The following SAMMSON variants were observed in gnomAD, a reference collection of about 807,000 sequenced individuals.
SAMMSON encodes the protein survival associated mitochondrial melanoma specific oncogenic non-coding RNA, also known as long intergenic non-protein coding RNA 1212.
intron 4 of SAMMSON, among the ~76,000 whole-genome samples, chr3:70,173,916 A>C (rs1453513705): frequency 6.6e-6 from 1 of 151,920 alleles, no homozygotes; most frequent in Non-Finnish European, 1.5e-5. Context: ...ACATGTTACC[A>C]AGTTCCACAT....
chr3:70,295,232 G>T (rs1702277992), intron 7 of SAMMSON, among the ~76,000 whole-genome samples: 1 of 152,092 alleles, frequency 6.6e-6, no homozygotes, highest in South Asian at 2.1e-4. Flanking sequence ...AAGAATGGAG[G>T]ATGGGGAAGC....
chr3:70,235,825 T>C (rs1326916845), intron 4 of SAMMSON, among the ~76,000 whole-genome samples: 1 of 152,216 alleles, frequency 6.6e-6, no homozygotes. Flanking sequence ...ATTATAGCAT[T>C]GTTTCAAAGG....
At chr3:70,338,729 C>T (rs1278505775) in intron 7 of SAMMSON, among the ~76,000 whole-genome samples, 10 of 152,056 alleles carry the variant, frequency 6.6e-5, no homozygotes, top group Admixed American at 5.9e-4. Context: ...GAACTACAAA[C>T]CACTGCTCAA....
intron 3 of SAMMSON, among the ~76,000 whole-genome samples, chr3:70,018,274 C>G (rs2066995834): frequency 6.6e-6 from 1 of 152,132 alleles, no homozygotes; most frequent in Non-Finnish European, 1.5e-5. Context: ...TGTTATTGGT[C>G]TATTCAGAGA....
chr3:70,403,128 A>T (rs1225506100), intron 2 of SAMMSON, among the ~76,000 whole-genome samples: 1 of 152,146 alleles, frequency 6.6e-6, no homozygotes, highest in Non-Finnish European at 1.5e-5. Context: ...GGATAACATT[A>T]TTATTTTGCA....
intron 8 of SAMMSON, among the ~76,000 whole-genome samples, chr3:70,356,928 A>C (rs1258794516): frequency 6.6e-6 from 1 of 152,154 alleles, no homozygotes; most frequent in African/African-American, 2.4e-5. Context: ...TAATCTTCAT[A>C]ATAACTGAGA....
At chr3:70,351,488 C>A (rs1702795164) in intron 7 of SAMMSON, among the ~76,000 whole-genome samples, 2 of 151,880 alleles carry the variant, frequency 1.3e-5, no homozygotes, top group African/African-American at 2.4e-5. Context: ...TTCCCTATTC[C>A]TCTTGCTAAG....
intron 4 of SAMMSON, among the ~76,000 whole-genome samples, chr3:70,079,094 C>T (rs1488833504): frequency 1.3e-5 from 2 of 152,138 alleles, no homozygotes; most frequent in African/African-American, 4.8e-5. Flanking sequence ...TATTTACTCT[C>T]TGGCCATTTA....
chr3:70,233,115 G>A (rs1279757534), intron 4 of SAMMSON, among the ~76,000 whole-genome samples: 1 of 152,184 alleles, frequency 6.6e-6, no homozygotes, highest in Admixed American at 6.5e-5. Flanking sequence ...CTTAAACCTG[G>A]GAGGCAGAGT....
chr3:70,005,026 A>G (rs2066920694), intron 1 of SAMMSON, among the ~76,000 whole-genome samples: 1 of 152,196 alleles, frequency 6.6e-6, no homozygotes, highest in Non-Finnish European at 1.5e-5. Flanking sequence ...AGAACTCTGA[A>G]TGCTAGACCA....
intron 4 of SAMMSON, among the ~76,000 whole-genome samples, chr3:70,089,996 TAATG>T (rs1052802772): frequency 6.6e-6 from 1 of 152,142 alleles, no homozygotes; most frequent in African/African-American, 2.4e-5. Flanking sequence ...TATCCCATAA[TAATG>T]AAAAATTGGC....
intron 4 of SAMMSON, among the ~76,000 whole-genome samples, chr3:70,239,786 A>C (rs1701648407): frequency 6.6e-6 from 1 of 152,144 alleles, no homozygotes; most frequent in Non-Finnish European, 1.5e-5. Flanking sequence ...TATATGCTAA[A>C]TACAGTGACG....
rs1701121364 is a variant in SAMMSON at position 70,190,294 on chromosome 3, T to C, written n.508-58813T>C. On this transcript the variant is annotated intron_variant and non_coding_transcript_variant, in intron 4 of 9. Transcript: ENST00000642114. The stretch of plus-strand genomic sequence containing the variant: ...CAAGCCTTCATCACCCCATGCCTTA[T>C]TGCAATTGCACCTTTCTCAGTCTCT... Among the ~76,000 whole-genome samples the C allele has an allele frequency of 2.0e-5, 3 of 152,184 alleles. No homozygotes were observed. In the South Asian group the frequency reaches 6.2e-4, roughly 31 times the overall value.
chr3:70,072,761 T>C lies in SAMMSON; in HGVS notation n.507+1196T>C, dbSNP rs1161158158. Reference sequence around the variant, plus strand: ...ACAAAGTTAGCATTGAAAGGCCAAATACGTGATACACATTTAAACTACTTA... The same window carrying C: ...ACAAAGTTAGCATTGAAAGGCCAAACACGTGATACACATTTAAACTACTTA... On this transcript the variant is annotated intron_variant and non_coding_transcript_variant, in intron 4 of 9. Transcript: ENST00000642114. 2.0e-5 allele frequency: 3 copies of C among 150,832 alleles called. No individual in the cohort carries two copies. The Admixed American group carries it at 2.0e-4, about 10-fold the overall frequency. The allele number at this position is 150,832 out of a possible 1,614,324, so 9.3% of individuals were successfully genotyped here. A position where few individuals can be genotyped will look rare whatever the true frequency, so the allele number is the denominator to read the frequency against.
chr3:70,310,447 C>T (rs926664436), intron 7 of SAMMSON, among the ~76,000 whole-genome samples: 6 of 150,974 alleles, frequency 4.0e-5, no homozygotes, highest in African/African-American at 1.5e-4. Context: ...CTCACTGCAA[C>T]CTCTGCCTCC....
chr3:70,387,577 G>A (rs113851222), intron 9 of SAMMSON, among the ~76,000 whole-genome samples: 170 of 152,012 alleles, frequency 1.1e-3, no homozygotes, highest in Non-Finnish European at 2.0e-3. Flanking sequence ...TTTTGGAATC[G>A]TTTTCATTTT....
At chr3:70,361,448 T>C (rs900524309) in intron 9 of SAMMSON, among the ~76,000 whole-genome samples, 1 of 152,334 alleles carries the variant, frequency 6.6e-6, no homozygotes, top group East Asian at 1.9e-4. Context: ...GTCATCTTTG[T>C]TCATGTTTCC....
intron 6 of SAMMSON, among the ~76,000 whole-genome samples, chr3:70,279,808 C>A (rs2106680258): frequency 1.3e-5 from 2 of 152,282 alleles, no homozygotes; most frequent in South Asian, 4.1e-4. Context: ...CTTCTCCTTG[C>A]ATATCTTTTG....
intron 7 of SAMMSON, chr3:70,312,801 A>G (rs1170523199): frequency 6.6e-6 from 1 of 151,934 alleles, no homozygotes; most frequent in Non-Finnish European, 1.5e-5. Context: ...AACCTTCTCC[A>G]GGCTAGCACT....
Sources: allele counts gnomAD v4.1 joint callset (sites outside exome capture counted in the v4.1 genomes callset), GRCh38; gene constraint gnomAD v4.1.1; transcripts MANE v1.5; gene names NCBI Gene and HGNC (gene_info 2026-07-23, HGNC 2026-07-21).